Variants in HMGCLL1 observed in about 807,000 individuals in gnomAD.
The protein encoded by HMGCLL1 is 3-hydroxy-3-methylglutaryl-CoA lyase like 1, also known as 3-hydroxymethyl-3-methylglutaryl-CoA lyase, cytoplasmic.
Under a neutral mutation model 39.1 loss-of-function variants are expected in HMGCLL1, and 36 were observed. The observed-to-expected ratio is 0.92, with a 90% CI of 0.71 to 1.22. The LOEUF (loss-of-function observed/expected upper bound fraction) is 1.22. HMGCLL1 is among the 50% of genes most tolerant of loss of function. The pLI, the probability that HMGCLL1 is intolerant of heterozygous loss-of-function variation, is 0.00. For missense variants in HMGCLL1, 451 were observed against 416.5 expected (o/e 1.08, Z -0.72); for synonymous variants, 149 against 144.0 (o/e 1.03, Z -0.25).
In HMGCLL1 at chr6:55,543,469, TC is replaced by T. The variant is rs1375064830; in HGVS notation, c.109-1330del. Among the ~76,000 whole-genome samples the T allele has an allele frequency of 9.4e-3, 94 of 10,030 alleles. 1 individual carries two copies. Among genetic ancestry groups the T allele is most frequent in the African/African-American group, 0.018 (92 of 5,210 alleles). 6.6% of individuals were successfully genotyped at this position (10,030 alleles called of 152,430 possible). ...ATATATATGATATATATCATATATA[TC>T]ATATATAATATATATATGATATATA... On this transcript the variant is annotated intron_variant, in intron 1 of 8. Transcript: ENST00000274901.
intron 7 of HMGCLL1, among the ~76,000 whole-genome samples, chr6:55,459,178 CTAAT>C (rs1764451129): frequency 6.6e-6 from 1 of 152,020 alleles, no homozygotes; most frequent in African/African-American, 2.4e-5. Flanking sequence ...CCAACATGTA[CTAAT>C]TATTCACTCA....
intron 7 of HMGCLL1, among the ~76,000 whole-genome samples, chr6:55,463,187 G>T (rs867894087): frequency 2.6e-5 from 4 of 151,708 alleles, no homozygotes; most frequent in Admixed American, 6.6e-5. Flanking sequence ...ATGCCACCAT[G>T]CCTGGCTAAT....
rs190463384 is a variant in HMGCLL1, at chr6:55,495,406, G to A, written c.795+13C>T. ...CCTATGCACACACATAACACACAAA[G>A]AGTACAAAATACCTGAAGGGCCGTA... is the stretch of plus-strand genomic sequence containing the variant. On this transcript the variant is annotated intron_variant, in intron 7 of 8. Coordinates refer to ENST00000274901, the MANE Select transcript of HMGCLL1 (RefSeq NM_001042406.2). 6.2e-7 allele frequency: 1 copy of A among 1,605,192 alleles called. No homozygotes were observed. The highest frequency in any genetic ancestry group is 2.2e-5 in the East Asian group (1 of 44,676).
In HMGCLL1 at chr6:55,563,276, G is replaced by C. The variant is rs549598506; in HGVS notation, c.108+15672C>G. ...AGAAGTATTGGCATGTGCTTGGGTG[G>C]CAAGGGGTGGGAGGAATTAAAGCCA... is the stretch of plus-strand genomic sequence containing the variant. On this transcript the variant is annotated intron_variant, in intron 1 of 8. Transcript: ENST00000274901. Among the ~76,000 whole-genome samples, 3 of 152,134 alleles carry C rather than the reference G, an allele frequency of 2.0e-5. No homozygotes were observed. In the East Asian group the frequency reaches 5.8e-4, roughly 29 times the overall value.
chr6:55,463,029 CTT>C (rs34168815), intron 7 of HMGCLL1, among the ~76,000 whole-genome samples: 32,560 of 136,076 alleles, frequency 0.24, 3,549 homozygotes, highest in East Asian at 0.42. Context: ...TTTTTTCTTT[CTT>C]TTTTTTTTTT....
At chr6:55,675,434 A>G in the HMGCLL1 span, among the ~76,000 whole-genome samples, 4 of 152,144 alleles carry the variant, frequency 2.6e-5, no homozygotes, top group Non-Finnish European at 5.9e-5. Context: ...CAGTAACAAT[A>G]AAATGTTTTC....
chr6:55,566,186 G>C (rs895765293), intron 1 of HMGCLL1, among the ~76,000 whole-genome samples: 1 of 152,106 alleles, frequency 6.6e-6, no homozygotes, highest in Non-Finnish European at 1.5e-5. Context: ...ATGTATGAAA[G>C]TGGTGGCAGA....
At chr6:55,622,256 C>T in the HMGCLL1 span, among the ~76,000 whole-genome samples, 2 of 151,904 alleles carry the variant, frequency 1.3e-5, no homozygotes, top group East Asian at 1.9e-4. Context: ...TTTGGATGCC[C>T]TTTATTTCTT....
intron 7 of HMGCLL1, among the ~76,000 whole-genome samples, chr6:55,486,344 T>G (rs1345677638): frequency 6.6e-6 from 1 of 152,014 alleles, no homozygotes; most frequent in East Asian, 1.9e-4. Context: ...GGTTTCATAG[T>G]ACACACTATT....
the HMGCLL1 span, among the ~76,000 whole-genome samples, chr6:55,648,647 T>C: frequency 1.8e-5 from 1 of 56,140 alleles, no homozygotes; most frequent in East Asian, 3.9e-4. Context: ...ACACATACAC[T>C]CTCCCAAGAC....
chr6:55,610,236 T>C, the HMGCLL1 span, among the ~76,000 whole-genome samples: 46 of 152,164 alleles, frequency 3.0e-4, no homozygotes, highest in East Asian at 8.7e-3. Context: ...CAAACTTTGC[T>C]TAGGTAAAGG....
At chr6:55,468,208 T>C (rs775803822) in intron 7 of HMGCLL1, among the ~76,000 whole-genome samples, 5 of 152,034 alleles carry the variant, frequency 3.3e-5, no homozygotes, top group Non-Finnish European at 7.4e-5. Context: ...TAACGATGTA[T>C]ATTGTAAGGC....
the HMGCLL1 span, among the ~76,000 whole-genome samples, chr6:55,644,624 A>G: frequency 6.6e-6 from 1 of 152,028 alleles, no homozygotes; most frequent in Non-Finnish European, 1.5e-5. Context: ...ATCGATATCC[A>G]GTTTTTCCAT....
the HMGCLL1 span, among the ~76,000 whole-genome samples, chr6:55,621,465 C>A: frequency 1.3e-5 from 2 of 151,946 alleles, no homozygotes; most frequent in Non-Finnish European, 2.9e-5. Context: ...TGAGCTCCAA[C>A]TCCTGTCAGA....
At chr6:55,480,054 G>A (rs1405311070) in intron 7 of HMGCLL1, among the ~76,000 whole-genome samples, 3 of 151,620 alleles carry the variant, frequency 2.0e-5, no homozygotes, top group Non-Finnish European at 4.4e-5. Context: ...TTCACAGTTT[G>A]AGGTCTTAGA....
chr6:55,659,679 G>T, the HMGCLL1 span, among the ~76,000 whole-genome samples: 2 of 151,730 alleles, frequency 1.3e-5, no homozygotes, highest in South Asian at 2.1e-4. Flanking sequence ...CATGTTTTTT[G>T]ATGTGTTCAT....
intron 8 of HMGCLL1, among the ~76,000 whole-genome samples, chr6:55,438,529 T>G (rs1177828455): frequency 1.3e-5 from 2 of 151,982 alleles, no homozygotes; most frequent in African/African-American, 4.8e-5. Flanking sequence ...ACGGCTTATT[T>G]TTAGGATGGT....
chr6:55,650,124 TATATATATATACAC>T, the HMGCLL1 span, among the ~76,000 whole-genome samples: 4 of 69,036 alleles, frequency 5.8e-5, no homozygotes, highest in East Asian at 5.8e-4. Context: ...TATATATATA[TATATATATATACAC>T]ACACACACAC....
intron 1 of HMGCLL1, among the ~76,000 whole-genome samples, chr6:55,575,334 A>T (rs887893532): frequency 6.6e-6 from 1 of 152,078 alleles, no homozygotes; most frequent in African/African-American, 2.4e-5. Flanking sequence ...ATTCATATTT[A>T]TTCTTTTTAT....
Sources: allele counts gnomAD v4.1 joint callset (sites outside exome capture counted in the v4.1 genomes callset), GRCh38; gene constraint gnomAD v4.1.1; transcripts MANE v1.5; gene names NCBI Gene and HGNC (gene_info 2026-07-23, HGNC 2026-07-21).